The following ABI2 variants were observed in gnomAD, a reference collection of about 807,000 sequenced individuals.
ABI2 encodes the protein abl interactor 2.
A neutral mutation model predicts 59.2 loss-of-function variants in ABI2; 25 were observed. The ratio of observed to expected loss-of-function variants is 0.42; its 90% CI spans 0.31 to 0.59. The LOEUF is 0.59. ABI2 is among the 20% of genes least tolerant of loss of function. ABI2 has a pLI of 0.14. For missense variants in ABI2, 545 were observed against 681.8 expected, an observed-to-expected ratio of 0.80 and a Z score of 2.23; for synonymous variants, 213 against 235.5, an observed-to-expected ratio of 0.90 and a Z score of 0.87.
At chr2:203,355,929 A>G (rs1436148230) in intron 1 of ABI2, among the ~76,000 whole-genome samples, 1 of 150,894 alleles carries the variant, frequency 6.6e-6, no homozygotes, top group Admixed American at 6.6e-5. Flanking sequence ...AGAATTATAG[A>G]TTGGAAATAA....
At chr2:203,426,679 A>G (rs1306338710) in intron 11 of ABI2, among the ~76,000 whole-genome samples, 2 of 151,314 alleles carry the variant, frequency 1.3e-5, no homozygotes, top group Non-Finnish European at 2.9e-5. Context: ...CTCCAGAGAG[A>G]GTGAGAAAGG....
chr2:203,338,950 A>G (rs1442066476), intron 1 of ABI2, among the ~76,000 whole-genome samples: 630 of 6,146 alleles, frequency 0.1, 35 homozygotes, highest in African/African-American at 0.24. Context: ...ATATATATAT[A>G]TATATATATA....
chr2:203,346,264 C>G (rs1222539450), intron 1 of ABI2, among the ~76,000 whole-genome samples: 1 of 152,174 alleles, frequency 6.6e-6, no homozygotes, highest in Non-Finnish European at 1.5e-5. Context: ...GATGTGCAAA[C>G]CAGATAGATC....
chr2:203,399,144 A>G (rs2097121779), intron 8 of ABI2, among the ~76,000 whole-genome samples: 1 of 152,206 alleles, frequency 6.6e-6, no homozygotes, highest in African/African-American at 2.4e-5. Context: ...AAATGGCTGT[A>G]TAATTTTACA....
At position 203,380,921 on chromosome 2, in the gene ABI2, C is replaced by G. The variant is rs150093261; in HGVS notation, c.462+537C>G. Among the ~76,000 whole-genome samples the G allele has an allele frequency of 2.4e-3, 367 of 152,198 alleles. 1 individual carries two copies. The highest frequency in any genetic ancestry group is 8.2e-3 in the African/African-American group (339 of 41,542). On this transcript the variant is annotated intron_variant, in intron 3 of 11. Transcript: ENST00000261018. The stretch of plus-strand genomic sequence containing the variant: ...TGTAGCTATTACATATTTTGGCTGT[C>G]TTTTAAGATGTATTTGGGTGCCTAG...
chr2:203,408,833 C>CTTTTTTTTTTCT lies in ABI2; in HGVS notation c.1193-2442_1193-2441insCTTTTTTTTTTT, dbSNP rs1674177201. Among the ~76,000 whole-genome samples the CTTTTTTTTTTCT allele has an allele frequency of 5.7e-5, 5 of 87,204 alleles. 1 individual carries two copies. The highest frequency in any genetic ancestry group is 1.2e-4 in the Non-Finnish European group (5 of 41,756). The allele number at this position is 87,204 out of a possible 152,430, so 57.2% of individuals were successfully genotyped here. On this transcript the variant is annotated intron_variant, in intron 9 of 11. Transcript: ENST00000261018. Reference sequence around the variant, plus strand: ...TTTTGTCTATGCTACCTTCTCCTTTCTTTTTTTTTTTTTTTTGAGACGGAG... The same window carrying CTTTTTTTTTTCT: ...TTTTGTCTATGCTACCTTCTCCTTTCTTTTTTTTTTCTTTTTTTTTTTTTTTTTGAGACGGAG...
At chr2:203,354,420 CTATCTT>C (rs1464378098) in intron 1 of ABI2, among the ~76,000 whole-genome samples, 1 of 152,160 alleles carries the variant, frequency 6.6e-6, no homozygotes, top group Non-Finnish European at 1.5e-5. Flanking sequence ...ACCTGTGAAT[CTATCTT>C]TAATTCATCT....
In ABI2 at chr2:203,420,396, C is replaced by CT. The variant is rs59111250; in HGVS notation, c.1453+3330dup. 3.1e-3 allele frequency among the ~76,000 whole-genome samples: 439 copies of CT among 140,560 alleles called. 1 individual carries two copies. Among genetic ancestry groups the CT allele is most frequent in the African/African-American group, 8.9e-3 (345 of 38,724 alleles). The allele number at this position is 140,560 out of a possible 152,430, so 92.2% of individuals were successfully genotyped here. On this transcript the variant is annotated intron_variant, in intron 11 of 11. Transcript: ENST00000261018. Reference sequence around the variant, plus strand: ...TGTCTTCACAAGACTGTGACAGTCCCTTTTTTTTTTTTTTTGAGACGGAGT... The same window carrying CT: ...TGTCTTCACAAGACTGTGACAGTCCCTTTTTTTTTTTTTTTTGAGACGGAGT...
intron 1 of ABI2, among the ~76,000 whole-genome samples, chr2:203,353,932 C>T (rs1156776501): frequency 1.3e-5 from 2 of 152,150 alleles, no homozygotes; most frequent in African/African-American, 4.8e-5. Context: ...TCTTATATTT[C>T]TTCCTATCTT....
intron 8 of ABI2, among the ~76,000 whole-genome samples, chr2:203,400,344 C>T (rs1190751314): frequency 6.6e-6 from 1 of 152,074 alleles, no homozygotes; most frequent in Admixed American, 6.5e-5. Context: ...CCGCCTCCAC[C>T]TCCCATAGTA....
chr2:203,416,494 C>T (rs946644498), intron 10 of ABI2, among the ~76,000 whole-genome samples: 1 of 152,088 alleles, frequency 6.6e-6, no homozygotes, highest in Non-Finnish European at 1.5e-5. Flanking sequence ...CAGGGTTTCA[C>T]CATGTTGCCC....
At chr2:203,329,737 C>T (rs1472915421) in intron 1 of ABI2, among the ~76,000 whole-genome samples, 1 of 148,492 alleles carries the variant, frequency 6.7e-6, no homozygotes, top group Admixed American at 6.8e-5. Flanking sequence ...AGGGATCCTT[C>T]TTTTTTCTTT....
At chr2:203,360,108 C>G (rs2093226337) in intron 1 of ABI2, among the ~76,000 whole-genome samples, 1 of 148,866 alleles carries the variant, frequency 6.7e-6, no homozygotes, top group South Asian at 2.1e-4. Context: ...TCGCCTGAAC[C>G]TGGGAGGTGG....
At chr2:203,385,139 C>CTTTTTTTTTTTTTTTTTTTTTT (rs10527327) in intron 4 of ABI2, among the ~76,000 whole-genome samples, 1,206 of 69,748 alleles carry the variant, frequency 0.017, 311 homozygotes, top group Middle Eastern at 0.028. Flanking sequence ...GGCTCAGATT[C>CTTTTTTTTTTTTTTTTTTTTTT]TTTTTTTTTT....
chr2:203,340,423 G>A (rs1184275968), intron 1 of ABI2, among the ~76,000 whole-genome samples: 1 of 151,758 alleles, frequency 6.6e-6, no homozygotes, highest in African/African-American at 2.4e-5. Context: ...CTGGAGTACA[G>A]TGGCATGATC....
chr2:203,392,628 G>A (rs2096805540), intron 5 of ABI2, among the ~76,000 whole-genome samples: 1 of 152,178 alleles, frequency 6.6e-6, no homozygotes, highest in Admixed American at 6.5e-5. Flanking sequence ...AGGGGTCGGG[G>A]TAGAGAGATG....
chr2:203,334,450 C>T (rs2075492860), intron 1 of ABI2, among the ~76,000 whole-genome samples: 1 of 151,994 alleles, frequency 6.6e-6, no homozygotes, highest in Non-Finnish European at 1.5e-5. Flanking sequence ...TAATAGTATG[C>T]AGTTTCAGGG....
intron 10 of ABI2, among the ~76,000 whole-genome samples, chr2:203,412,906 T>C (rs913024523): frequency 2.0e-5 from 3 of 152,242 alleles, no homozygotes; most frequent in African/African-American, 7.2e-5. Context: ...GACTTTCCAA[T>C]GCTGGTTCCA....
intron 2 of ABI2, chr2:203,375,988 C>T (rs1174735889): frequency 2.4e-5 from 29 of 1,211,256 alleles, no homozygotes; most frequent in Non-Finnish European, 3.2e-5. Flanking sequence ...CAAATTATAC[C>T]GTTGTTAGAT....
Sources: allele counts gnomAD v4.1 joint callset (sites outside exome capture counted in the v4.1 genomes callset), GRCh38; gene constraint gnomAD v4.1.1; transcripts MANE v1.5; gene names NCBI Gene and HGNC (gene_info 2026-07-23, HGNC 2026-07-21).